CCDC159: variants seen among roughly 807,000 people sequenced by gnomAD.
CCDC159 encodes the protein coiled-coil domain containing 159.
In CCDC159, 40 loss-of-function variants were observed where a neutral mutation model predicts 50.9. The observed-to-expected ratio is 0.79, with a 90% confidence interval of 0.61 to 1.02. The LOEUF (loss-of-function observed/expected upper bound fraction) is 1.02, where lower values mean the gene tolerates loss of function less well. CCDC159 is among the 50% of genes least tolerant of loss of function. The pLI is 0.00. For missense variants in CCDC159, 356 were observed against 371.5 expected, an observed-to-expected ratio of 0.96 and a Z score of 0.34; for synonymous variants, 146 against 138.9, an observed-to-expected ratio of 1.05 and a Z score of -0.36.
In CCDC159 at chr19:11,351,919, T is replaced by C. The variant is rs1253785970; in HGVS notation, c.436T>C (p.Trp146Arg). ...QEIRDSKKFL[W>R]EELELVREEV... ...CTGTCCCCTCAGCAAGAAGTTCCTG[T>C]GGGAGGAGCTGGAACTGGTGCGGGA... Residue 146 changes from tryptophan to arginine, a missense_variant, in exon 6 of 11, where the codon TGG becomes CGG. Physicochemically the swap from Trp to Arg is moderately radical, Grantham distance 101. Coordinates refer to ENST00000458408, the MANE Select transcript of CCDC159 (RefSeq NM_001080503.3). The C allele has an allele frequency of 1.9e-6, 3 of 1,598,090 alleles. No homozygotes were observed. In the East Asian group the frequency reaches 6.8e-5, roughly 36 times the overall value.
At chr19:11,348,118 C>G (rs1967365020) in intron 1 of CCDC159, 1 of 456,556 alleles carries the variant, frequency 2.2e-6, no homozygotes, top group Admixed American at 2.3e-5. Flanking sequence ...GATTCCACAC[C>G]TCCAAGCTTT....
At chr19:11,353,945 G>C in intron 9 of CCDC159, 71 bp downstream of exon 9, 2 of 1,290,160 alleles carry the variant, frequency 1.6e-6, no homozygotes, top group Non-Finnish European at 2.1e-6. Flanking sequence ...TATGTTCAGA[G>C]AGCCTATTTG....
At chr19:11,353,668 A>C in intron 8 of CCDC159, 96 bp downstream of exon 8, 1 of 1,580,322 alleles carries the variant, frequency 6.3e-7, no homozygotes, top group Non-Finnish European at 8.6e-7. Context: ...AGCCCACCTG[A>C]GTCCAGACTT....
At chr19:11,351,811 A>T in intron 5 of CCDC159, 95 bp from the exon 6 acceptor site, 1 of 1,040,998 alleles carries the variant, frequency 9.6e-7, no homozygotes, top group Non-Finnish European at 1.4e-6. Flanking sequence ...TGGGGAGGGG[A>T]CAGAGCTTGC....
chr19:11,351,465 TGAG>T (rs1967575205), intron 5 of CCDC159: 1 of 104,392 alleles, frequency 9.6e-6, no homozygotes, highest in South Asian at 2.2e-4. Flanking sequence ...AAAAAAAAAA[TGAG>T]GAGGGGATGA....
intron 1 of CCDC159, chr19:11,348,106 G>A: frequency 2.2e-6 from 1 of 456,326 alleles, no homozygotes; most frequent in Non-Finnish European, 4.4e-6. Context: ...CATAGAGCAT[G>A]TGATTCCACA....
rs749636049 is a variant in CCDC159, at chr19:11,351,974, G to GT, written c.490+2dup. ...GTGACCTTCATCTATCAGAAGCTCC[G>GT]TGAGTTCCTGGAGCCCACAGCCGGT... is the stretch of plus-strand genomic sequence containing the variant. On this transcript the variant is annotated splice_donor_variant, in intron 6 of 10. Transcript: ENST00000458408. LOFTEE classifies it high-confidence loss of function. 3.7e-6 allele frequency: 6 copies of GT among 1,609,534 alleles called. No homozygotes were observed. In the African/African-American group the frequency reaches 5.4e-5, roughly 14 times the overall value.
At chr19:11,348,414 G>A (rs939246874) in intron 1 of CCDC159, among the ~76,000 whole-genome samples, 2 of 152,040 alleles carry the variant, frequency 1.3e-5, no homozygotes, top group Non-Finnish European at 2.9e-5. Flanking sequence ...TCAGCCTCCC[G>A]AGTAGCTGGG....
At chr19:11,351,110 G>T in intron 5 of CCDC159, 107 bp downstream of exon 5, 1 of 1,129,858 alleles carries the variant, frequency 8.9e-7, no homozygotes, top group South Asian at 1.6e-5. Flanking sequence ...GGGGGAGGGG[G>T]ACTGAGGGAT....
At chr19:11,349,871 C>A in intron 2 of CCDC159, 67 bp from the exon 3 acceptor site, 1 of 1,483,036 alleles carries the variant, frequency 6.7e-7, no homozygotes, top group South Asian at 1.1e-5. Context: ...CTTTGCTGAC[C>A]TCTGCCCTGC....
chr19:11,352,685 C>T (rs1281374674), intron 7 of CCDC159, among the ~76,000 whole-genome samples: 1 of 151,844 alleles, frequency 6.6e-6, no homozygotes, highest in Admixed American at 6.6e-5. Flanking sequence ...TATCTCAGCA[C>T]TTTGGGAGGC....
At chr19:11,349,800 C>T (rs1967469711) in intron 2 of CCDC159, 113 bp downstream of exon 2, 6 of 1,199,252 alleles carry the variant, frequency 5.0e-6, no homozygotes, top group Non-Finnish European at 2.4e-6. Context: ...TTCACTCCTG[C>T]CCAAGGCTGA....
rs1642047647 is a variant in CCDC159, at chr19:11,349,758, A to G, written c.55+71A>G. ...GGTTTCTACCTCTACCCTCTGCCCC[A>G]GCATCAGCTGTCCCCCTGCCATGGT... On this transcript the variant is annotated intron_variant, in intron 2 of 10. Coordinates refer to ENST00000458408, the MANE Select transcript of CCDC159 (RefSeq NM_001080503.3). The G allele has an allele frequency of 2.3e-6, 3 of 1,328,266 alleles. No individual in the cohort carries two copies. The Admixed American group carries it at 5.4e-5, about 24-fold the overall frequency. 82.3% of individuals were successfully genotyped at this position (1,328,266 alleles called of 1,614,324 possible).
At chr19:11,349,307 T>A in intron 1 of CCDC159, 1 of 656,778 alleles carries the variant, frequency 1.5e-6, no homozygotes, top group Non-Finnish European at 2.3e-6. Context: ...GCACCCACTG[T>A]GTTTCTTCAG....
intron 7 of CCDC159, 200 bp from the exon 8 acceptor site, chr19:11,353,251 C>G (rs1967679734): frequency 2.6e-6 from 1 of 391,502 alleles, no homozygotes; most frequent in African/African-American, 2.2e-5. Flanking sequence ...CAGGCGCCCG[C>G]CACCACGCCC....
intron 5 of CCDC159, chr19:11,351,686 G>A (rs1967590733): frequency 2.0e-6 from 1 of 510,080 alleles, no homozygotes; most frequent in Non-Finnish European, 3.5e-6. Flanking sequence ...CCAGGTGATA[G>A]GAGGCTGAGT....
At chr19:11,346,740 C>A in intron 1 of CCDC159, 113 bp downstream of exon 1, 1 of 1,250,508 alleles carries the variant, frequency 8.0e-7, no homozygotes, top group Non-Finnish European at 1.1e-6. Context: ...GGGAGGGACA[C>A]GGAAGCAGCA....
intron 1 of CCDC159, among the ~76,000 whole-genome samples, chr19:11,347,924 C>T (rs556192853): frequency 2.2e-4 from 34 of 152,346 alleles, no homozygotes; most frequent in African/African-American, 7.7e-4. Context: ...ATTCAGCTAA[C>T]ATTTATTGAA....
chr19:11,352,279 C>T, intron 7 of CCDC159, 146 bp downstream of exon 7: 1 of 750,396 alleles, frequency 1.3e-6, no homozygotes. Context: ...GTCACTTGAC[C>T]TCTCTGAGCC....
Sources: gnomAD v4.1 joint callset for allele counts (sites outside exome capture counted in the v4.1 genomes callset) on GRCh38, gnomAD v4.1.1 for gene constraint, MANE v1.5 for transcripts, NCBI Gene and HGNC (gene_info 2026-07-23, HGNC 2026-07-21) for gene names.